Variants in FRMD4A observed in about 807,000 individuals in gnomAD.
FRMD4A encodes the protein FERM domain-containing protein 4A.
In FRMD4A, 29 loss-of-function variants were observed where a neutral mutation model predicts 129.1. The observed-to-expected ratio is 0.22, with a 90% CI of 0.17 to 0.31. The LOEUF (loss-of-function observed/expected upper bound fraction) is 0.31, where lower values mean the gene tolerates loss of function less well. FRMD4A is among the 10% of genes least tolerant of loss of function. The pLI is 1.00. For synonymous variants in FRMD4A, 634 were observed against 571.6 expected, an observed-to-expected ratio of 1.11 and a Z score of -1.56; for missense variants, 1,272 against 1,375.8, an observed-to-expected ratio of 0.92 and a Z score of 1.19.
rs138717137 is a variant in FRMD4A, at chr10:13,942,519, G to A, written c.46-83607C>T. ...GAACAGTCTGCAAGACATATGGCTG[G>A]CATTTTGCTGACCAAGCCCCTAGAA... On this transcript the variant is annotated intron_variant, in intron 2 of 24. Coordinates refer to ENST00000357447, the MANE Select transcript of FRMD4A (RefSeq NM_018027.5). 3.7e-4 allele frequency among the ~76,000 whole-genome samples: 57 copies of A among 152,308 alleles called. No individual in the cohort carries two copies. In the East Asian group the frequency reaches 8.5e-3, roughly 23 times the overall value.
intron 3 of FRMD4A, among the ~76,000 whole-genome samples, chr10:13,843,044 T>G (rs1224254238): frequency 1.3e-5 from 2 of 152,176 alleles, no homozygotes; most frequent in Non-Finnish European, 2.9e-5. Context: ...AACTGCTGCA[T>G]CACGCTGCCT....
intron 2 of FRMD4A, among the ~76,000 whole-genome samples, chr10:13,976,935 G>C (rs1423986992): frequency 6.6e-6 from 1 of 152,168 alleles, no homozygotes; most frequent in South Asian, 2.1e-4. Flanking sequence ...TTACTGATCT[G>C]ATCTCAAGGT....
rs374566205 is a variant in FRMD4A, at chr10:13,666,344, C to T, written c.1375-19G>A. On this transcript the variant is annotated intron_variant, in intron 17 of 24. Coordinates refer to ENST00000357447, the MANE Select transcript of FRMD4A (RefSeq NM_018027.5). Reference sequence around the variant, plus strand: ...CAGCTTCCTGTGGGAGGGAAAGCACCGGTTTGGGTTACTGGGGATGCTGAG... The same window carrying T: ...CAGCTTCCTGTGGGAGGGAAAGCACTGGTTTGGGTTACTGGGGATGCTGAG... 2.3e-5 allele frequency: 36 copies of T among 1,568,498 alleles called. No individual in the cohort carries two copies. Among genetic ancestry groups the T allele is most frequent in the African/African-American group, 2.7e-5 (2 of 73,910 alleles).
Position 13,808,049 on chromosome 10 carries a change from T to C in FRMD4A, c.206+2765A>G, listed in dbSNP as rs1256855335. ...CCTGACCTCAAGTGATCTGTCCACCTCAGCCTCCCAAAGTGCTGGGATTAC... is the reference window on the plus strand; with the variant it reads ...CCTGACCTCAAGTGATCTGTCCACCCCAGCCTCCCAAAGTGCTGGGATTAC... On this transcript the variant is annotated intron_variant, in intron 4 of 24. Transcript: ENST00000357447. Among the ~76,000 whole-genome samples the C allele has an allele frequency of 2.0e-5, 3 of 152,206 alleles. No homozygotes were observed. The East Asian group carries it at 5.8e-4, about 29-fold the overall frequency.
intron 2 of FRMD4A, among the ~76,000 whole-genome samples, chr10:14,309,973 A>T (rs1589293746): frequency 2.0e-5 from 3 of 151,438 alleles, no homozygotes; most frequent in Admixed American, 6.6e-5. Flanking sequence ...CCCCAGCAAG[A>T]CTGGCCGTTC....
intron 4 of FRMD4A, among the ~76,000 whole-genome samples, chr10:13,798,679 C>T (rs2091579): frequency 0.27 from 41,785 of 152,054 alleles, 5,842 homozygotes; most frequent in African/African-American, 0.32. Flanking sequence ...ATGGCGCCAC[C>T]GCACTCCAGC....
In FRMD4A at chr10:14,249,023, T is replaced by A. The variant is rs77100774; in HGVS notation, c.45+81035A>T. On this transcript the variant is annotated intron_variant, in intron 2 of 24. Coordinates refer to ENST00000357447, the MANE Select transcript of FRMD4A (RefSeq NM_018027.5). ...TTTTGACATACGTGATGACTTTAAG[T>A]CCCTTTTACAGATGACAAAACTGAG... Among the ~76,000 whole-genome samples, 633 of 152,322 alleles carry A rather than the reference T, an allele frequency of 4.2e-3. 1 individual carries two copies. Among genetic ancestry groups the A allele is most frequent in the Non-Finnish European group, 6.9e-3 (469 of 68,034 alleles).
At chr10:13,718,104 G>C (rs548023217) in intron 12 of FRMD4A, among the ~76,000 whole-genome samples, 1 of 152,316 alleles carries the variant, frequency 6.6e-6, no homozygotes, top group Non-Finnish European at 1.5e-5. Context: ...CATCCTGCTG[G>C]GGAGGGGAGA....
At chr10:13,850,521 CAT>C (rs771200626) in intron 3 of FRMD4A, among the ~76,000 whole-genome samples, 1 of 152,178 alleles carries the variant, frequency 6.6e-6, no homozygotes, top group Non-Finnish European at 1.5e-5. Flanking sequence ...GGATGTGTCA[CAT>C]GTTTCAGGCT....
At chr10:14,039,454 C>CT (rs1491255868) in intron 2 of FRMD4A, among the ~76,000 whole-genome samples, 628 of 37,658 alleles carry the variant, frequency 0.017, 1 homozygote, top group Middle Eastern at 0.027. Context: ...CAAAATCAAT[C>CT]AATCTATCTA....
chr10:14,249,842 T>G (rs1589227377), intron 2 of FRMD4A, among the ~76,000 whole-genome samples: 1 of 152,202 alleles, frequency 6.6e-6, no homozygotes, highest in East Asian at 1.9e-4. Flanking sequence ...GTAAAATAAT[T>G]CTAGTTTTAC....
Position 14,190,541 on chromosome 10 carries a change from T to A in FRMD4A, c.45+139517A>T, listed in dbSNP as rs114974088. ...AGTATTTGAGACCACAGGCACATGC[T>A]ATCACACCTGGCTAATAAATTTTTT... is the stretch of plus-strand genomic sequence containing the variant. On this transcript the variant is annotated intron_variant, in intron 2 of 24. Transcript: ENST00000357447. Among the ~76,000 whole-genome samples, 1,096 of 152,204 alleles carry A rather than the reference T, an allele frequency of 7.2e-3. 8 individuals carry two copies. The highest frequency in any genetic ancestry group is 0.045 in the South Asian group (217 of 4,810).
intron 2 of FRMD4A, among the ~76,000 whole-genome samples, chr10:14,067,284 C>G (rs1835108084): frequency 6.6e-6 from 1 of 151,868 alleles, no homozygotes; most frequent in East Asian, 1.9e-4. Context: ...CCATTGCACT[C>G]CAGCCTGGGC....
chr10:14,297,595 G>A (rs1172585236), intron 2 of FRMD4A, among the ~76,000 whole-genome samples: 1 of 152,154 alleles, frequency 6.6e-6, no homozygotes, highest in African/African-American at 2.4e-5. Flanking sequence ...GGTATCCTGG[G>A]TCCTCCTGAC....
At chr10:13,680,558 T>C (rs1186659465) in intron 15 of FRMD4A, among the ~76,000 whole-genome samples, 1 of 150,418 alleles carries the variant, frequency 6.6e-6, no homozygotes, top group Non-Finnish European at 1.5e-5. Flanking sequence ...AACCCTGTCT[T>C]CTACTAAAAA....
intron 2 of FRMD4A, among the ~76,000 whole-genome samples, chr10:14,114,011 C>T (rs1209964078): frequency 6.6e-6 from 1 of 152,232 alleles, no homozygotes; most frequent in Non-Finnish European, 1.5e-5. Flanking sequence ...AGGGCATAGC[C>T]TTGGCCTGCA....
At chr10:14,064,029 C>T (rs1345867566) in intron 2 of FRMD4A, among the ~76,000 whole-genome samples, 2 of 152,110 alleles carry the variant, frequency 1.3e-5, no homozygotes, top group Admixed American at 1.3e-4. Flanking sequence ...ATGTTCTTCC[C>T]GCTCCTTAAG....
At chr10:13,765,725 G>C (rs2092264878) in intron 6 of FRMD4A, among the ~76,000 whole-genome samples, 1 of 152,194 alleles carries the variant, frequency 6.6e-6, no homozygotes, top group South Asian at 2.1e-4. Context: ...AGAATGTTTG[G>C]AATTGCAGTT....
intron 3 of FRMD4A, among the ~76,000 whole-genome samples, chr10:13,820,226 T>C (rs1488557770): frequency 6.6e-6 from 1 of 152,154 alleles, no homozygotes; most frequent in Non-Finnish European, 1.5e-5. Flanking sequence ...TTATTTGTTA[T>C]GGCAGACACA....
Sources: allele counts gnomAD v4.1 joint callset (sites outside exome capture counted in the v4.1 genomes callset), GRCh38; gene constraint gnomAD v4.1.1; transcripts MANE v1.5; gene names NCBI Gene and HGNC (gene_info 2026-07-23, HGNC 2026-07-21).